Variants in ATCAY observed in about 807,000 individuals in gnomAD.
ATCAY encodes the protein ATCAY kinesin light chain interacting caytaxin, also known as caytaxin.
In ATCAY, 22 loss-of-function variants were observed where a neutral mutation model predicts 47.7. That is an observed-to-expected ratio of 0.46 (90% confidence interval 0.33 to 0.66). The LOEUF is 0.66. Ranked by LOEUF, ATCAY falls within the 30% of genes least tolerant of loss-of-function variation. The pLI is 0.02. For missense variants in ATCAY, 452 were observed against 515.0 expected, an observed-to-expected ratio of 0.88 and a Z score of 1.18; for synonymous variants, 216 against 207.6, an observed-to-expected ratio of 1.04 and a Z score of -0.35.
chr19:3,884,217 T>C (rs1445227672), intron 1 of ATCAY, among the ~76,000 whole-genome samples: 1 of 151,656 alleles, frequency 6.6e-6, no homozygotes, highest in Non-Finnish European at 1.5e-5. Context: ...AGCCCAGGAG[T>C]TGGAGGCTGT....
At position 3,909,628 on chromosome 19, in the gene ATCAY, G is replaced by A. The variant is rs1454018232; in HGVS notation, c.779+11G>A. On this transcript the variant is annotated intron_variant, in intron 7 of 12. Transcript: ENST00000450849. The stretch of plus-strand genomic sequence containing the variant: ...GATGATCGACCGGAGGTGAGGTGGG[G>A]ATGCCTCAGGAAGCACAGTGGGGGC... 14 of 1,570,046 alleles carry A rather than the reference G, an allele frequency of 8.9e-6. No homozygotes were observed. The Admixed American group carries it at 9.5e-5, about 11-fold the overall frequency.
In ATCAY at chr19:3,925,078, A is replaced by C. The variant is rs115839391; in HGVS notation, c.*486A>C. On this transcript the variant is annotated 3_prime_UTR_variant, in exon 13 of 13. Transcript: ENST00000450849. This position sits in a 1 kb window ranked among gnomAD's most constrained non-coding sequence, Gnocchi z 4.4. ...CTCCAGAATGCGGCCTCAGACCTAGAAGCTCAACCCCCCTATGAGGGCCAC... is the reference window on the plus strand; with the variant it reads ...CTCCAGAATGCGGCCTCAGACCTAGCAGCTCAACCCCCCTATGAGGGCCAC... 8.3e-3 allele frequency: 1,297 copies of C among 156,868 alleles called. 25 individuals carry two copies. The highest frequency in any genetic ancestry group is 0.03 in the African/African-American group (1,227 of 41,564). The allele number at this position is 156,868 out of a possible 1,614,324, so 9.7% of individuals were successfully genotyped here.
At chr19:3,910,981 G>T (rs1043567906) in intron 8 of ATCAY, 92 bp downstream of exon 8, 3 of 1,310,840 alleles carry the variant, frequency 2.3e-6, no homozygotes, top group African/African-American at 2.9e-5. Flanking sequence ...ATGTGTGCAC[G>T]TGTGTGCGTG....
At chr19:3,923,948 C>G (rs1164341050) in intron 12 of ATCAY, among the ~76,000 whole-genome samples, 7 of 99,600 alleles carry the variant, frequency 7.0e-5, no homozygotes, top group Non-Finnish European at 1.2e-4. Flanking sequence ...GGATGGATGG[C>G]TAGATGGATG....
In ATCAY at chr19:3,885,863, T is replaced by C. The variant is rs1349206286; in HGVS notation, c.77+19T>C. Reference sequence around the variant, plus strand: ...TTCCCAGGTAGGACTTCCACATCCCTGAGTCAACCGTTGGGGGAGCAGGTG... The same window carrying C: ...TTCCCAGGTAGGACTTCCACATCCCCGAGTCAACCGTTGGGGGAGCAGGTG... On this transcript the variant is annotated intron_variant, in intron 2 of 12. Transcript: ENST00000450849. The C allele has an allele frequency of 3.3e-5, 51 of 1,550,172 alleles. No homozygotes were observed. The highest frequency in any genetic ancestry group is 4.2e-5 in the Non-Finnish European group (48 of 1,146,586).
At chr19:3,905,939 G>A (rs1199956888) in intron 4 of ATCAY, among the ~76,000 whole-genome samples, 3 of 152,010 alleles carry the variant, frequency 2.0e-5, no homozygotes, top group Non-Finnish European at 4.4e-5. Flanking sequence ...TTGGGAGGCC[G>A]AGGCGGGCAG....
chr19:3,908,339 G>T lies in ATCAY; in HGVS notation c.616G>T (p.Asp206Tyr), dbSNP rs368644309. ...ACFLPDSSLPDYHYIMENLFL... is the reference protein window; with the variant it reads ...ACFLPDSSLPYYHYIMENLFL... The stretch of plus-strand genomic sequence containing the variant: ...CTTCCTTCCAGACAGCAGCCTCCCC[G>T]ACTACCACTACATCATGGAGAACCT... Residue 206 changes from aspartate (D) to tyrosine (Y), a missense_variant, in exon 6 of 13, where the codon GAC becomes TAC. Physicochemically the swap from Asp to Tyr is radical, Grantham distance 160. Coordinates refer to ENST00000450849, the MANE Select transcript of ATCAY (RefSeq NM_033064.5). 19 of 1,593,740 alleles carry T rather than the reference G, an allele frequency of 1.2e-5. No individual in the cohort carries two copies. Among genetic ancestry groups the T allele is most frequent in the Non-Finnish European group, 1.5e-5 (17 of 1,170,094 alleles).
intron 9 of ATCAY, among the ~76,000 whole-genome samples, chr19:3,915,662 C>T (rs1196243092): frequency 6.6e-6 from 1 of 151,552 alleles, no homozygotes; most frequent in Non-Finnish European, 1.5e-5. Context: ...AGTGATTCTC[C>T]TGCCTCAGCC....
intron 2 of ATCAY, among the ~76,000 whole-genome samples, chr19:3,901,798 C>T (rs1186807871): frequency 1.3e-5 from 2 of 152,054 alleles, no homozygotes; most frequent in African/African-American, 4.8e-5. Context: ...AGTTCCAGAC[C>T]AGCCTGGCCA....
chr19:3,881,498 A>G (rs564919923), intron 1 of ATCAY, among the ~76,000 whole-genome samples: 13 of 133,070 alleles, frequency 9.8e-5, no homozygotes, highest in African/African-American at 3.3e-4. Flanking sequence ...TGGAACTCGT[A>G]TGTGATTTGT....
At position 3,907,796 on chromosome 19, in the gene ATCAY, G is replaced by A. The variant is rs201356634; in HGVS notation, c.421G>A (p.Gly141Ser). 5.7e-5 allele frequency: 92 copies of A among 1,614,002 alleles called. No homozygotes were observed. The East Asian group carries it at 9.1e-4, about 16-fold the overall frequency. ...GGACAGCGCGGATCTATTTGGGGAC[G>A]GCACGACGGAGGACGGCAGCGCCGC... is the stretch of plus-strand genomic sequence containing the variant. The part of the protein sequence containing the change: ...PGDSADLFGD[G>S]TTEDGSAANG... The change falls in exon 5 of 13, where the codon GGC (glycine) becomes AGC (serine). Residue 141 changes from glycine (G) to serine (S), a missense_variant. By Grantham distance (56) the Gly-to-Ser change is moderately conservative. Transcript: ENST00000450849. The surrounding 1 kb of genome is among the most constrained non-coding windows in gnomAD (Gnocchi z 5.1).
At chr19:3,881,967 A>G (rs931437382) in intron 1 of ATCAY, among the ~76,000 whole-genome samples, 2 of 147,828 alleles carry the variant, frequency 1.4e-5, no homozygotes, top group African/African-American at 5.0e-5. Flanking sequence ...TTGAGGACAG[A>G]GAATCGAGTG....
At chr19:3,922,996 C>T (rs897438798) in intron 12 of ATCAY, among the ~76,000 whole-genome samples, 4 of 152,140 alleles carry the variant, frequency 2.6e-5, no homozygotes, top group Non-Finnish European at 5.9e-5. Flanking sequence ...CCACCCGCTT[C>T]GGCCTCCCAA....
At chr19:3,906,280 G>A (rs1261459987) in intron 4 of ATCAY, among the ~76,000 whole-genome samples, 3 of 151,640 alleles carry the variant, frequency 2.0e-5, no homozygotes, top group Admixed American at 1.3e-4. Context: ...GTGCCAGGAG[G>A]AGGGTCCATC....
In ATCAY at chr19:3,920,791, G is replaced by A. The variant is rs1337365377; in HGVS notation, c.1099G>A (p.Glu367Lys). ...NRSALVSEDQ[E>K]TSMS ...GTCTGCTCTGGTCTCAGAAGATCAGGAAACAAGGTGGGTGTGATGCAGAGT... is the reference window on the plus strand; with the variant it reads ...GTCTGCTCTGGTCTCAGAAGATCAGAAAACAAGGTGGGTGTGATGCAGAGT... Residue 367 changes from glutamate to lysine, a missense_variant, in exon 12 of 13, where the codon GAA (glutamate) becomes AAA (lysine). Transcript: ENST00000450849. The A allele has an allele frequency of 6.2e-7, 1 of 1,613,772 alleles. No homozygotes were observed. The highest frequency in any genetic ancestry group is 8.5e-7 in the Non-Finnish European group (1 of 1,179,788).
chr19:3,902,518 C>T lies in ATCAY; in HGVS notation c.109C>T (p.Leu37Phe). Residue 37 changes from leucine to phenylalanine, a missense_variant, in exon 3 of 13, where the codon CTT becomes TTT. Coordinates refer to ENST00000450849, the MANE Select transcript of ATCAY (RefSeq NM_033064.5). ...PLPEETGVEL[L>F]GSPVEDTSSP... ...CCCAGAAGAGACGGGGGTGGAACTGCTTGGCAGCCCGGTGGAAGACACATC... is the reference window on the plus strand; with the variant it reads ...CCCAGAAGAGACGGGGGTGGAACTGTTTGGCAGCCCGGTGGAAGACACATC... The T allele has an allele frequency of 6.3e-7, 1 of 1,579,432 alleles. No individual in the cohort carries two copies. The highest frequency in any genetic ancestry group is 8.6e-7 in the Non-Finnish European group (1 of 1,162,618).
At chr19:3,887,881 G>T (rs1440906530) in intron 2 of ATCAY, among the ~76,000 whole-genome samples, 3 of 151,318 alleles carry the variant, frequency 2.0e-5, no homozygotes, top group Non-Finnish European at 4.4e-5. Context: ...GGCCAAGGTG[G>T]GCAGATCACA....
At chr19:3,893,828 G>A (rs114394023) in intron 2 of ATCAY, among the ~76,000 whole-genome samples, 2,040 of 152,056 alleles carry the variant, frequency 0.013, 53 homozygotes, top group African/African-American at 0.045. Context: ...TCCCATCCCC[G>A]AGGCACTGCC....
Position 3,924,711 on chromosome 19 carries a change from G to A in ATCAY, c.*119G>A. On this transcript the variant is annotated 3_prime_UTR_variant, in exon 13 of 13. Transcript: ENST00000450849. ...CATCCTGAGTCCCAATCTTCCAAGG[G>A]TGCCAGCCCCTCCGTTCATCTCTGA... 2 of 1,080,336 alleles carry A rather than the reference G, an allele frequency of 1.9e-6. No homozygotes were observed. The highest frequency in any genetic ancestry group is 1.4e-5 in the South Asian group (1 of 70,070). 66.9% of individuals were successfully genotyped at this position (1,080,336 alleles called of 1,614,324 possible). A position where few individuals can be genotyped will look rare whatever the true frequency, so the allele number is the denominator to read the frequency against.
Sources: allele counts gnomAD v4.1 joint callset (sites outside exome capture counted in the v4.1 genomes callset), GRCh38; gene constraint gnomAD v4.1.1; non-coding constraint Gnocchi (gnomAD v3.1); transcripts MANE v1.5; gene names NCBI Gene and HGNC (gene_info 2026-07-23, HGNC 2026-07-21).